The following ALK variants were observed in gnomAD, a reference collection of about 807,000 sequenced individuals.
ALK encodes the protein ALK tyrosine kinase receptor.
In ALK, 74 loss-of-function variants were observed where a neutral mutation model predicts 163.1. The observed-to-expected ratio is 0.45, with a 90% CI of 0.38 to 0.55. The LOEUF (loss-of-function observed/expected upper bound fraction) is 0.55. ALK is among the 20% of genes least tolerant of loss of function. The probability of loss-of-function intolerance (pLI) is 0.00; values close to 1 mark genes in which losing one functional copy is unlikely to be tolerated. For missense variants in ALK, 2,063 were observed against 2,105.3 expected, an observed-to-expected ratio of 0.98 and a Z score of 0.39; for synonymous variants, 960 against 843.2, an observed-to-expected ratio of 1.14 and a Z score of -2.40.
At chr2:29,918,829 T>C (rs1157425719) in intron 1 of ALK, among the ~76,000 whole-genome samples, 1 of 152,250 alleles carries the variant, frequency 6.6e-6, no homozygotes, top group Non-Finnish European at 1.5e-5. Flanking sequence ...ACTTCATTTA[T>C]TTCTGATGAT....
chr2:29,208,014 A>G (rs1226073599), intron 25 of ALK: 2 of 446,306 alleles, frequency 4.5e-6, no homozygotes, highest in East Asian at 1.4e-4. Flanking sequence ...CTCAATAAAT[A>G]AGTACTGAAT....
chr2:29,722,476 G>A (rs746991734), intron 1 of ALK, among the ~76,000 whole-genome samples: 3 of 152,170 alleles, frequency 2.0e-5, no homozygotes, highest in Non-Finnish European at 2.9e-5. Context: ...TAAAAACTCT[G>A]ACTTTTCTTA....
intron 4 of ALK, among the ~76,000 whole-genome samples, chr2:29,421,989 G>T (rs1488693840): frequency 6.6e-6 from 1 of 151,518 alleles, no homozygotes; most frequent in Non-Finnish European, 1.5e-5. Flanking sequence ...GTGCTTGGAA[G>T]TAGCAGTTAG....
At chr2:29,465,909 T>A (rs1671199717) in intron 4 of ALK, among the ~76,000 whole-genome samples, 1 of 152,144 alleles carries the variant, frequency 6.6e-6, no homozygotes, top group Non-Finnish European at 1.5e-5. Flanking sequence ...GTTTATAACA[T>A]ATGTAGAATT....
At chr2:29,862,457 T>C (rs917486667) in intron 1 of ALK, among the ~76,000 whole-genome samples, 7 of 152,152 alleles carry the variant, frequency 4.6e-5, no homozygotes, top group Admixed American at 3.3e-4. Flanking sequence ...TTTCATCATA[T>C]GAAATCATCA....
intron 1 of ALK, among the ~76,000 whole-genome samples, chr2:29,806,948 C>T (rs903226595): frequency 5.9e-5 from 9 of 152,290 alleles, no homozygotes; most frequent in South Asian, 2.1e-4. Context: ...TAGATGTGTG[C>T]GCACATGTGC....
At chr2:29,816,249 A>G (rs1664893794) in intron 1 of ALK, among the ~76,000 whole-genome samples, 1 of 152,192 alleles carries the variant, frequency 6.6e-6, no homozygotes, top group African/African-American at 2.4e-5. Context: ...ACATTTGCAG[A>G]CAGAGGTTCA....
intron 12 of ALK, among the ~76,000 whole-genome samples, chr2:29,247,555 C>T (rs1384719635): frequency 6.6e-6 from 1 of 152,236 alleles, no homozygotes; most frequent in Non-Finnish European, 1.5e-5. Flanking sequence ...CCCTTCCTCT[C>T]CCTCTTTCTG....
chr2:29,637,808 CA>C (rs754197641), intron 3 of ALK, among the ~76,000 whole-genome samples: 1 of 150,548 alleles, frequency 6.6e-6, no homozygotes, highest in Non-Finnish European at 1.5e-5. Flanking sequence ...CTTATGTTTT[CA>C]AGATATTACT....
Position 29,920,719 on chromosome 2 carries a change from C to T in ALK, c.-60G>A, listed in dbSNP as rs772016409. The T allele has an allele frequency of 2.8e-6, 4 of 1,435,542 alleles. No homozygotes were observed. The African/African-American group carries it at 4.2e-5, about 15-fold the overall frequency. The allele number at this position is 1,435,542 out of a possible 1,614,324, so 88.9% of individuals were successfully genotyped here. A position where few individuals can be genotyped will look rare whatever the true frequency, so the allele number is the denominator to read the frequency against. On this transcript the variant is annotated 5_prime_UTR_variant, in exon 1 of 29. Transcript: ENST00000389048. Reference sequence around the variant, plus strand: ...GCCCAGCCTCACCCTTCGCTCTCCCCGAGATGGGAAGAGGCTCTGAACAGT... The same window carrying T: ...GCCCAGCCTCACCCTTCGCTCTCCCTGAGATGGGAAGAGGCTCTGAACAGT...
intron 3 of ALK, among the ~76,000 whole-genome samples, chr2:29,603,726 G>T (rs1675441929): frequency 6.6e-6 from 1 of 152,108 alleles, no homozygotes. Flanking sequence ...GCACCATTCA[G>T]TCTCTCTGGA....
At chr2:29,804,639 A>T (rs4666276) in intron 1 of ALK, among the ~76,000 whole-genome samples, 1 of 151,980 alleles carries the variant, frequency 6.6e-6, no homozygotes, top group African/African-American at 2.4e-5. Flanking sequence ...CGTTGGGTTT[A>T]AGGTGATACC....
At chr2:29,774,320 C>T (rs1270870231) in intron 1 of ALK, among the ~76,000 whole-genome samples, 6 of 152,186 alleles carry the variant, frequency 3.9e-5, no homozygotes, top group Non-Finnish European at 8.8e-5. Flanking sequence ...CAGACACTCA[C>T]TCTAGAAGGA....
chr2:29,597,853 G>A (rs1377619654), intron 3 of ALK, among the ~76,000 whole-genome samples: 1 of 152,194 alleles, frequency 6.6e-6, no homozygotes, highest in Non-Finnish European at 1.5e-5. Flanking sequence ...TTGGGGTGTG[G>A]TGCAGGGCTG....
chr2:29,594,321 T>A (rs532935942), intron 3 of ALK, among the ~76,000 whole-genome samples: 1 of 152,254 alleles, frequency 6.6e-6, no homozygotes, highest in South Asian at 2.1e-4. Flanking sequence ...TGTGTATCTC[T>A]TCCCAACTCC....
At chr2:29,816,869 T>C (rs953090348) in intron 1 of ALK, among the ~76,000 whole-genome samples, 1 of 152,166 alleles carries the variant, frequency 6.6e-6, no homozygotes, top group Non-Finnish European at 1.5e-5. Flanking sequence ...CAGATTTCAA[T>C]AGAGGAGTGG....
At chr2:29,789,143 AC>A (rs1664124874) in intron 1 of ALK, among the ~76,000 whole-genome samples, 1 of 151,682 alleles carries the variant, frequency 6.6e-6, no homozygotes, top group South Asian at 2.1e-4. Context: ...CATAATTACT[AC>A]CATTTATTGA....
chr2:29,860,769 C>T (rs1484207168), intron 1 of ALK, among the ~76,000 whole-genome samples: 1 of 152,070 alleles, frequency 6.6e-6, no homozygotes, highest in Non-Finnish European at 1.5e-5. Context: ...TGCTCCTGAA[C>T]AACCAATGAG....
intron 23 of ALK, among the ~76,000 whole-genome samples, chr2:29,219,588 G>C (rs1333425101): frequency 6.6e-6 from 1 of 152,168 alleles, no homozygotes; most frequent in Non-Finnish European, 1.5e-5. Context: ...CCTAACCTTG[G>C]GGCCTGCTCA....
Sources: gnomAD v4.1 joint callset for allele counts (sites outside exome capture counted in the v4.1 genomes callset) on GRCh38, gnomAD v4.1.1 for gene constraint, MANE v1.5 for transcripts, NCBI Gene and HGNC (gene_info 2026-07-23, HGNC 2026-07-21) for gene names.